The following TRDMT1 variants were observed in gnomAD, a reference collection of about 807,000 sequenced individuals.
TRDMT1 encodes the protein tRNA aspartic acid methyltransferase 1.
Under a neutral mutation model 51.2 loss-of-function variants are expected in TRDMT1, and 49 were observed. That is an observed-to-expected ratio of 0.96 (90% CI 0.76 to 1.21). The LOEUF is 1.21. TRDMT1 is among the 50% of genes most tolerant of loss of function. The pLI is 0.00. For synonymous variants in TRDMT1, 187 were observed against 164.6 expected, an observed-to-expected ratio of 1.14 and a Z score of -1.04; for missense variants, 534 against 462.3, an observed-to-expected ratio of 1.16 and a Z score of -1.42.
At position 17,147,161 on chromosome 10, in the gene TRDMT1, A is replaced by AT; in HGVS notation, c.*1878dup. ...CATAGTTACAGTAAAACTCTAAACC[A>AT]TTTTATTTAGAATATTTCAGCAGTG... On this transcript the variant is annotated 3_prime_UTR_variant, in exon 11 of 11. Coordinates refer to ENST00000377799, the MANE Select transcript of TRDMT1 (RefSeq NM_004412.7). The AT allele has an allele frequency of 1.0e-6, 1 of 985,768 alleles. No homozygotes were observed. The highest frequency in any genetic ancestry group is 1.2e-6 in the Non-Finnish European group (1 of 829,846). 61.1% of individuals were successfully genotyped at this position (985,768 alleles called of 1,614,324 possible).
chr10:17,200,847 AGTG>A (rs1296893233), intron 1 of TRDMT1, among the ~76,000 whole-genome samples: 5 of 152,164 alleles, frequency 3.3e-5, no homozygotes, highest in African/African-American at 1.2e-4. Flanking sequence ...TAATATTTGG[AGTG>A]GTTACAATGT....
rs975015682 is a variant in TRDMT1 at position 17,172,444 on chromosome 10, G to T, written c.174+2107C>A. ...AGGCTGATATGGGAGGACCAGTTGA[G>T]CCCAAGAGTTTGAGACCAGCCTGGG... On this transcript the variant is annotated intron_variant, in intron 2 of 10. Transcript: ENST00000377799. Among the ~76,000 whole-genome samples the T allele has an allele frequency of 3.0e-4, 45 of 152,062 alleles. 1 individual carries two copies. Among genetic ancestry groups the T allele is most frequent in the Non-Finnish European group, 4.7e-4 (32 of 68,008 alleles).
In TRDMT1 at chr10:17,142,929, G is replaced by A. The variant is rs1307468141; in HGVS notation, c.*6111C>T. On this transcript the variant is annotated 3_prime_UTR_variant, in exon 11 of 11. Transcript: ENST00000377799. ...CAGAGTTTATAATTACACTTTTCAG[G>A]GAGGAGCAGGGAGAAATAAATCTAC... 3.3e-6 allele frequency: 3 copies of A among 903,648 alleles called. No individual in the cohort carries two copies. Among genetic ancestry groups the A allele is most frequent in the East Asian group, 1.2e-4 (1 of 8,438 alleles). The allele number at this position is 903,648 out of a possible 1,614,324, so 56.0% of individuals were successfully genotyped here.
intron 1 of TRDMT1, among the ~76,000 whole-genome samples, chr10:17,193,731 T>G (rs115386937): frequency 0.011 from 1,662 of 152,330 alleles, 30 homozygotes; most frequent in African/African-American, 0.038. Flanking sequence ...ATGGTAGTAC[T>G]GCCTGAAGCA....
intron 5 of TRDMT1, among the ~76,000 whole-genome samples, chr10:17,161,042 C>T (rs531189466): frequency 9.9e-5 from 15 of 152,256 alleles, no homozygotes; most frequent in African/African-American, 3.6e-4. Context: ...CAGCAGCTGA[C>T]TCAAGGACTC....
At chr10:17,158,405 C>T (rs958173936) in intron 7 of TRDMT1, among the ~76,000 whole-genome samples, 1 of 151,984 alleles carries the variant, frequency 6.6e-6, no homozygotes. Flanking sequence ...TAACTTAATA[C>T]AATGTGTAAG....
intron 1 of TRDMT1, among the ~76,000 whole-genome samples, chr10:17,175,853 T>TC (rs1842559840): frequency 6.6e-6 from 1 of 151,990 alleles, no homozygotes; most frequent in Admixed American, 6.6e-5. Context: ...GGCACAAATG[T>TC]CTCCAAGGAT....
intron 10 of TRDMT1, chr10:17,153,272 G>A (rs1284730849): frequency 5.6e-6 from 3 of 538,284 alleles, no homozygotes; most frequent in South Asian, 3.0e-5. Flanking sequence ...TTCTAGCCAT[G>A]CCAACCTCTG....
rs1287521032 is a variant in TRDMT1 at position 17,138,751 on chromosome 10, T to TA, written c.*10288_*10289insT. Among the ~76,000 whole-genome samples, 1 of 152,060 alleles carries TA rather than the reference T, an allele frequency of 6.6e-6. No homozygotes were observed. Among genetic ancestry groups the TA allele is most frequent in the East Asian group, 1.9e-4 (1 of 5,188 alleles). On this transcript the variant is annotated 3_prime_UTR_variant, in exon 11 of 11. Transcript: ENST00000377799. Reference sequence around the variant, plus strand: ...TTGAGAGTTTGGAGAACTTTTCCACTTTTTTCAAGTTTTTTTTTTTAAGTA... The same window carrying TA: ...TTGAGAGTTTGGAGAACTTTTCCACTATTTTTCAAGTTTTTTTTTTTAAGTA...
chr10:17,178,591 G>A (rs543794906), intron 1 of TRDMT1, among the ~76,000 whole-genome samples: 36 of 150,016 alleles, frequency 2.4e-4, no homozygotes, highest in South Asian at 6.3e-4. Flanking sequence ...CAGGAGAATC[G>A]CTTCAACCCT....
rs751955947 is a variant in TRDMT1, at chr10:17,157,440, C to T, written c.887+1G>A. 1 of 1,591,624 alleles carries T rather than the reference C, an allele frequency of 6.3e-7. No individual in the cohort carries two copies. The highest frequency in any genetic ancestry group is 1.1e-5 in the South Asian group (1 of 88,620). On this transcript the variant is annotated splice_donor_variant, in intron 8 of 10. Transcript: ENST00000377799. LOFTEE classifies it high-confidence loss of function. Reference sequence around the variant, plus strand: ...AGGATCAATAGATCTTTAAAACCTACCCTTTGGTAAAGCACACGGACCTTC... The same window carrying T: ...AGGATCAATAGATCTTTAAAACCTATCCTTTGGTAAAGCACACGGACCTTC...
intron 4 of TRDMT1, 146 bp downstream of exon 4, chr10:17,162,020 C>T: frequency 1.4e-6 from 1 of 727,484 alleles, no homozygotes; most frequent in Non-Finnish European, 2.4e-6. Context: ...CTCTATTAGT[C>T]ATGGTAGGAG....
At chr10:17,169,995 G>T (rs1297428036) in intron 2 of TRDMT1, among the ~76,000 whole-genome samples, 1 of 152,146 alleles carries the variant, frequency 6.6e-6, no homozygotes, top group African/African-American at 2.4e-5. Context: ...AAGTTCAACA[G>T]CCTGTACATA....
chr10:17,147,866 T>A lies in TRDMT1; in HGVS notation c.*1174A>T, dbSNP rs1423366261. The A allele has an allele frequency of 2.3e-6, 1 of 430,000 alleles. No homozygotes were observed. The highest frequency in any genetic ancestry group is 2.1e-5 in the African/African-American group (1 of 46,514). The allele number at this position is 430,000 out of a possible 1,614,324, so 26.6% of individuals were successfully genotyped here. ...CGCTGAATCATAGGGTAATTCTATG[T>A]TGAATTTTGTGACGAACCTCCATAG... On this transcript the variant is annotated 3_prime_UTR_variant, in exon 11 of 11. Coordinates refer to ENST00000377799, the MANE Select transcript of TRDMT1 (RefSeq NM_004412.7).
At chr10:17,194,944 A>AG (rs1228248101) in intron 1 of TRDMT1, among the ~76,000 whole-genome samples, 9 of 141,510 alleles carry the variant, frequency 6.4e-5, no homozygotes. Context: ...AAAAAAAAAA[A>AG]AAGTCAAAAA....
rs1409857742 is a variant in TRDMT1 at position 17,142,810 on chromosome 10, A to T, written c.*6230T>A. 9.1e-6 allele frequency: 2 copies of T among 219,684 alleles called. No homozygotes were observed. The highest frequency in any genetic ancestry group is 1.5e-5 in the Non-Finnish European group (2 of 129,882). The allele number at this position is 219,684 out of a possible 1,614,324, so 13.6% of individuals were successfully genotyped here. On this transcript the variant is annotated 3_prime_UTR_variant, in exon 11 of 11. Coordinates refer to ENST00000377799, the MANE Select transcript of TRDMT1 (RefSeq NM_004412.7). ...TGTCTTGGAACCATGTTGTTCCTCT[A>T]GTCTTGGGGTCCCTCCGCAGTGTGT...
Position 17,141,170 on chromosome 10 carries a change from A to AT in TRDMT1, c.*7869dup, listed in dbSNP as rs1173922391. On this transcript the variant is annotated 3_prime_UTR_variant, in exon 11 of 11. Coordinates refer to ENST00000377799, the MANE Select transcript of TRDMT1 (RefSeq NM_004412.7). ...TTTCTCCAGCTGCTTTTATTTATTT[A>AT]TTTATTTTTTTGAGACGGAGTCTCA... 7.2e-5 allele frequency among the ~76,000 whole-genome samples: 11 copies of AT among 151,812 alleles called. No individual in the cohort carries two copies. Among genetic ancestry groups the AT allele is most frequent in the African/African-American group, 2.7e-4 (11 of 41,332 alleles).
In TRDMT1 at chr10:17,145,334, G is replaced by T. The variant is rs146748160; in HGVS notation, c.*3706C>A. 166 of 985,356 alleles carry T rather than the reference G, an allele frequency of 1.7e-4. 1 individual carries two copies. In the Admixed American group the frequency reaches 5.7e-3, roughly 34 times the overall value. The allele number at this position is 985,356 out of a possible 1,614,324, so 61.0% of individuals were successfully genotyped here. ...AAAGGCATAACTAGACATCTTGGTG[G>T]GTGTGACAGAGGTCCAGAAAAGTGC... On this transcript the variant is annotated 3_prime_UTR_variant, in exon 11 of 11. Coordinates refer to ENST00000377799, the MANE Select transcript of TRDMT1 (RefSeq NM_004412.7).
intron 10 of TRDMT1, chr10:17,151,537 T>C (rs1020669361): frequency 2.0e-6 from 2 of 985,354 alleles, no homozygotes; most frequent in African/African-American, 3.5e-5. Context: ...GACAGTTGTG[T>C]CACGGTGCTG....
Sources: gnomAD v4.1 joint callset for allele counts (sites outside exome capture counted in the v4.1 genomes callset) on GRCh38, gnomAD v4.1.1 for gene constraint, MANE v1.5 for transcripts, NCBI Gene and HGNC (gene_info 2026-07-23, HGNC 2026-07-21) for gene names.